The following DSCAM variants were observed in gnomAD, a reference collection of about 807,000 sequenced individuals.
DSCAM encodes cell adhesion molecule DSCAM.
Under a neutral mutation model 217.7 loss-of-function variants are expected in DSCAM, and 47 were observed. The ratio of observed to expected loss-of-function variants is 0.22; its 90% CI spans 0.17 to 0.28. The LOEUF (loss-of-function observed/expected upper bound fraction) is 0.28. Ranked by LOEUF, DSCAM falls within the 10% of genes least tolerant of loss-of-function variation. The pLI, the probability that DSCAM is intolerant of heterozygous loss-of-function variation, is 1.00. For missense variants in DSCAM, 2,080 were observed against 2,618.3 expected, an observed-to-expected ratio of 0.79 and a Z score of 4.49; for synonymous variants, 1,056 against 1,015.3, an observed-to-expected ratio of 1.04 and a Z score of -0.76.
At chr21:40,697,182 C>T (rs1249814881) in intron 2 of DSCAM, among the ~76,000 whole-genome samples, 4 of 152,152 alleles carry the variant, frequency 2.6e-5, no homozygotes, top group Non-Finnish European at 5.9e-5. Context: ...CTGAGCCTGG[C>T]TTAATTCACT....
At chr21:40,670,928 T>C (rs904310600) in intron 3 of DSCAM, among the ~76,000 whole-genome samples, 1 of 152,214 alleles carries the variant, frequency 6.6e-6, no homozygotes, top group African/African-American at 2.4e-5. Flanking sequence ...AATGTACTTT[T>C]GTCATATAAC....
chr21:40,430,044 A>G (rs2075515618), intron 3 of DSCAM, among the ~76,000 whole-genome samples: 1 of 152,216 alleles, frequency 6.6e-6, no homozygotes, highest in Non-Finnish European at 1.5e-5. Context: ...CCTAATATCC[A>G]GTAATCTGAA....
chr21:40,153,187 T>C (rs899405497), intron 16 of DSCAM, among the ~76,000 whole-genome samples: 4 of 152,214 alleles, frequency 2.6e-5, no homozygotes, highest in Non-Finnish European at 5.9e-5. Flanking sequence ...ATAAGCTTGC[T>C]CAGTGAATGG....
chr21:40,457,912 C>T (rs1252033623), intron 3 of DSCAM, among the ~76,000 whole-genome samples: 1 of 152,178 alleles, frequency 6.6e-6, no homozygotes, highest in African/African-American at 2.4e-5. Flanking sequence ...GGGTAGAAAG[C>T]ATTCCTGTGA....
chr21:40,014,280 C>A (rs1158075800), intron 32 of DSCAM, among the ~76,000 whole-genome samples: 1 of 152,216 alleles, frequency 6.6e-6, no homozygotes, highest in Non-Finnish European at 1.5e-5. Flanking sequence ...AGTCCCAGTA[C>A]TGGGGACACT....
chr21:40,402,268 A>C lies in DSCAM; in HGVS notation c.509-33023T>G, dbSNP rs562652811. Among the ~76,000 whole-genome samples, 1,004 of 148,498 alleles carry C rather than the reference A, an allele frequency of 6.8e-3. 11 individuals carry two copies. Among genetic ancestry groups the C allele is most frequent in the Middle Eastern group, 0.021 (6 of 282 alleles). ...GTATTTTTAGTAGAGACGGGGTTTCACTGTGTTAGCCAGGATGGTCTCAGT... is the reference window on the plus strand; with the variant it reads ...GTATTTTTAGTAGAGACGGGGTTTCCCTGTGTTAGCCAGGATGGTCTCAGT... On this transcript the variant is annotated intron_variant, in intron 3 of 32. Transcript: ENST00000400454.
chr21:40,281,699 T>C (rs1251509584), intron 10 of DSCAM, among the ~76,000 whole-genome samples: 1 of 152,204 alleles, frequency 6.6e-6, no homozygotes, highest in East Asian at 1.9e-4. Context: ...TATTTTAATT[T>C]GCACATTTTG....
intron 3 of DSCAM, among the ~76,000 whole-genome samples, chr21:40,644,995 A>T (rs1181195607): frequency 6.6e-6 from 1 of 152,232 alleles, no homozygotes; most frequent in African/African-American, 2.4e-5. Context: ...TAAAGATTCA[A>T]GAAAAAAACA....
Position 40,187,279 on chromosome 21 carries a change from A to G in DSCAM, c.2651-20T>C. 1.2e-6 allele frequency: 2 copies of G among 1,613,004 alleles called. No homozygotes were observed. The highest frequency in any genetic ancestry group is 8.5e-7 in the Non-Finnish European group (1 of 1,179,470). On this transcript the variant is annotated intron_variant, in intron 13 of 32. Coordinates refer to ENST00000400454, the MANE Select transcript of DSCAM (RefSeq NM_001389.5). ...GGGGCTCTGTGCCATCAACAGAAAGACTACGAGTTAGTTCAAACAGAGCTC... is the reference window on the plus strand; with the variant it reads ...GGGGCTCTGTGCCATCAACAGAAAGGCTACGAGTTAGTTCAAACAGAGCTC...
chr21:40,816,304 C>T lies in DSCAM; in HGVS notation c.43+30315G>A, dbSNP rs918594246. Among the ~76,000 whole-genome samples the T allele has an allele frequency of 3.4e-4, 52 of 152,118 alleles. 1 individual carries two copies. Among genetic ancestry groups the T allele is most frequent in the African/African-American group, 9.9e-4 (41 of 41,416 alleles). On this transcript the variant is annotated intron_variant, in intron 1 of 32. Transcript: ENST00000400454. ...TTGAGGTGTCGGGATGCTAGATGCC[C>T]TTCCTACCCCCAAATAAAAAGAGGG...
At chr21:40,079,048 C>G (rs969883676) in intron 25 of DSCAM, 71 bp from the exon 26 acceptor site, 3 of 1,533,576 alleles carry the variant, frequency 2.0e-6, no homozygotes, top group Non-Finnish European at 2.6e-6. Context: ...TCACGCATTT[C>G]CCTCGGACTG....
chr21:40,836,396 T>C (rs560662266), intron 1 of DSCAM, among the ~76,000 whole-genome samples: 13 of 152,318 alleles, frequency 8.5e-5, no homozygotes, highest in African/African-American at 3.1e-4. Context: ...CACAGATGAT[T>C]CGTAAGCTGC....
chr21:40,289,819 T>C (rs2073869139), intron 10 of DSCAM, among the ~76,000 whole-genome samples: 1 of 151,896 alleles, frequency 6.6e-6, no homozygotes, highest in Non-Finnish European at 1.5e-5. Context: ...CTAGCAAAGA[T>C]ACAATAAGCA....
At chr21:40,794,542 G>GAAA (rs35301932) in intron 1 of DSCAM, among the ~76,000 whole-genome samples, 8 of 138,284 alleles carry the variant, frequency 5.8e-5, no homozygotes, top group Admixed American at 2.2e-4. Context: ...AGTCAAATTG[G>GAAA]AAAAAAAAAA....
rs147203969 is a variant in DSCAM at position 40,828,428 on chromosome 21, C to T, written c.43+18191G>A. On this transcript the variant is annotated intron_variant, in intron 1 of 32. Transcript: ENST00000400454. The stretch of plus-strand genomic sequence containing the variant: ...GAGATTAAGGTTCCATATTGTGTTG[C>T]TGTGAACGGGATAAATTCAGAAGAG... 4.1e-4 allele frequency among the ~76,000 whole-genome samples: 62 copies of T among 152,180 alleles called. No individual in the cohort carries two copies. In the East Asian group the frequency reaches 0.01, roughly 25 times the overall value.
At chr21:40,716,301 T>G (rs1231066579) in intron 1 of DSCAM, among the ~76,000 whole-genome samples, 2 of 152,186 alleles carry the variant, frequency 1.3e-5, no homozygotes, top group African/African-American at 4.8e-5. Flanking sequence ...AGCACTTCTT[T>G]TTATAGAGTG....
chr21:40,828,472 C>A (rs2091987262), intron 1 of DSCAM, among the ~76,000 whole-genome samples: 1 of 152,058 alleles, frequency 6.6e-6, no homozygotes, highest in Admixed American at 6.5e-5. Context: ...GGCTTACCTG[C>A]TAGTTCTCCC....
chr21:40,416,753 T>TA (rs67364914), intron 3 of DSCAM, among the ~76,000 whole-genome samples: 14,349 of 152,174 alleles, frequency 0.094, 758 homozygotes, highest in Non-Finnish European at 0.13. Flanking sequence ...ATGATATGTC[T>TA]AGGAGAGGTA....
At chr21:40,206,451 A>C (rs1377591539) in intron 11 of DSCAM, among the ~76,000 whole-genome samples, 18 of 152,066 alleles carry the variant, frequency 1.2e-4, no homozygotes, top group Admixed American at 1.2e-3. Context: ...GAGGCTGCAC[A>C]TTCTACATGT....
Sources: gnomAD v4.1 joint callset for allele counts (sites outside exome capture counted in the v4.1 genomes callset) on GRCh38, gnomAD v4.1.1 for gene constraint, MANE v1.5 for transcripts, NCBI Gene and HGNC (gene_info 2026-07-23, HGNC 2026-07-21) for gene names.